The following NLGN4X variants were observed in gnomAD, a reference collection of about 807,000 sequenced individuals.
The protein encoded by NLGN4X is neuroligin 4 X-linked, also known as neuroligin-4, X-linked.
NLGN4X carries 3 observed loss-of-function variants against 40.3 expected under a neutral mutation model. The observed-to-expected ratio is 0.07, with a 90% CI of 0.03 to 0.19. NLGN4X has a LOEUF of 0.19. NLGN4X is among the 10% of genes least tolerant of loss of function. NLGN4X has a pLI of 1.00. For synonymous variants in NLGN4X, 270 were observed against 306.8 expected (o/e 0.88, Z 1.25); for missense variants, 382 against 708.3 (o/e 0.54, Z 5.23).
At chrX:5,930,229 T>C in intron 3 of NLGN4X, among the ~76,000 whole-genome samples, 1 of 112,657 alleles carries the variant, frequency 8.9e-6, no homozygotes, top group Admixed American at 9.4e-5. Flanking sequence ...TAGCCCTATA[T>C]AGGACAGATA....
chrX:5,963,954 A>G (rs942056492), intron 3 of NLGN4X, among the ~76,000 whole-genome samples: 2 of 112,541 alleles, frequency 1.8e-5, no homozygotes, highest in Admixed American at 1.9e-4. Context: ...ACTTTATTGT[A>G]CATTCATTAT....
At chrX:6,092,492 T>C (rs1167694677) in intron 2 of NLGN4X, among the ~76,000 whole-genome samples, 1 of 112,222 alleles carries the variant, frequency 8.9e-6, no homozygotes, top group Non-Finnish European at 1.9e-5. Flanking sequence ...CGAACCTACC[T>C]GCCTGGGGAA....
intron 3 of NLGN4X, among the ~76,000 whole-genome samples, chrX:6,018,817 T>G (rs1418461293): frequency 8.9e-6 from 1 of 111,819 alleles, no homozygotes; most frequent in African/African-American, 3.3e-5. Flanking sequence ...CTCAAATAAT[T>G]AACCGAATCA....
chrX:5,999,481 A>C (rs1299724160), intron 3 of NLGN4X, among the ~76,000 whole-genome samples: 1 of 112,218 alleles, frequency 8.9e-6, no homozygotes, highest in Admixed American at 9.5e-5. Context: ...TTTTTAAAAT[A>C]AGCAGTATGC....
At chrX:5,908,924 G>C in intron 4 of NLGN4X, 130 bp downstream of exon 4, 1 of 710,491 alleles carries the variant, frequency 1.4e-6, no homozygotes, top group Non-Finnish European at 2.1e-6. Context: ...GGATTCATTT[G>C]ATCTTTTGGG....
intron 1 of NLGN4X, among the ~76,000 whole-genome samples, chrX:6,156,880 T>C (rs1007022397): frequency 4.5e-5 from 5 of 110,202 alleles, no homozygotes; most frequent in Non-Finnish European, 9.4e-5. Context: ...TTTTAAAAAA[T>C]TGTCAAATAA....
chrX:6,200,177 C>A (rs908689033), intron 1 of NLGN4X, among the ~76,000 whole-genome samples: 1 of 111,960 alleles, frequency 8.9e-6, no homozygotes, highest in African/African-American at 3.3e-5. Flanking sequence ...TTAGAGAATG[C>A]AGAGAAAAAT....
chrX:6,025,220 T>G (rs763800759), intron 3 of NLGN4X, among the ~76,000 whole-genome samples: 3 of 112,087 alleles, frequency 2.7e-5, no homozygotes, highest in Admixed American at 9.4e-5. Context: ...ACAATCCCAG[T>G]TTATTCATAG....
chrX:6,151,494 C>T lies in NLGN4X; in HGVS notation c.-28G>A. On this transcript the variant is annotated 5_prime_UTR_variant, in exon 2 of 6. Transcript: ENST00000381095. ...TTCAAATCTGCATCCACATCCACAG[C>T]TGTCCCAGTGATGTGGCTCCAAGGA... 1 of 1,157,502 alleles carries T rather than the reference C, an allele frequency of 8.6e-7. No individual in the cohort carries two copies. The highest frequency in any genetic ancestry group is 3.0e-5 in the East Asian group (1 of 33,576).
Position 6,150,015 on chromosome X carries a change from A to C in NLGN4X, c.472+980T>G, listed in dbSNP as rs903396308. On this transcript the variant is annotated intron_variant, in intron 2 of 5. Coordinates refer to ENST00000381095, the MANE Select transcript of NLGN4X (RefSeq NM_181332.3). ...TTTCTCCATAAAAGAAATTTATCAC[A>C]CTTTCCACGAAGAACTTTATACAAA... 7.2e-5 allele frequency among the ~76,000 whole-genome samples: 8 copies of C among 111,054 alleles called. No homozygotes were observed. In the South Asian group the frequency reaches 3.0e-3, roughly 42 times the overall value.
intron 2 of NLGN4X, among the ~76,000 whole-genome samples, chrX:6,033,663 C>A (rs1343439328): frequency 1.8e-5 from 2 of 111,987 alleles, no homozygotes; most frequent in Non-Finnish European, 3.8e-5. Flanking sequence ...ACCTTGATCA[C>A]CTCAATAAGA....
chrX:6,079,003 T>C (rs1482905787), intron 2 of NLGN4X, among the ~76,000 whole-genome samples: 1 of 111,938 alleles, frequency 8.9e-6, no homozygotes, highest in Non-Finnish European at 1.9e-5. Context: ...CCTGCTGCCC[T>C]GTGAAGAAGG....
intron 4 of NLGN4X, among the ~76,000 whole-genome samples, chrX:5,906,099 ATG>A (rs1190204627): frequency 8.9e-6 from 1 of 112,220 alleles, no homozygotes; most frequent in East Asian, 2.8e-4. Flanking sequence ...TGTGGCTTAC[ATG>A]TGTTTGATTA....
intron 2 of NLGN4X, among the ~76,000 whole-genome samples, chrX:6,137,931 T>G (rs1367542547): frequency 8.9e-6 from 1 of 111,833 alleles, no homozygotes; most frequent in African/African-American, 3.2e-5. Context: ...CTATCACACA[T>G]GTATGCTGCC....
chrX:6,159,922 T>C (rs947477153), intron 1 of NLGN4X, among the ~76,000 whole-genome samples: 22 of 111,631 alleles, frequency 2.0e-4, no homozygotes, highest in African/African-American at 7.2e-4. Flanking sequence ...AGTGTGGCCT[T>C]CCAGCCTATT....
chrX:6,189,956 G>C (rs748699941), intron 1 of NLGN4X, among the ~76,000 whole-genome samples: 1 of 109,496 alleles, frequency 9.1e-6, no homozygotes, highest in African/African-American at 3.3e-5. Context: ...TTATTTAGCT[G>C]TATATGCTGA....
At chrX:5,937,380 A>C (rs1231331053) in intron 3 of NLGN4X, among the ~76,000 whole-genome samples, 1 of 111,320 alleles carries the variant, frequency 9.0e-6, no homozygotes, top group Non-Finnish European at 1.9e-5. Context: ...GAAGTGACCC[A>C]GTCTTTCATG....
At chrX:6,006,771 G>T (rs1328799894) in intron 3 of NLGN4X, among the ~76,000 whole-genome samples, 2 of 111,638 alleles carry the variant, frequency 1.8e-5, no homozygotes, top group Admixed American at 9.5e-5. Flanking sequence ...GAAAATGAAT[G>T]ACATTTTGAA....
intron 1 of NLGN4X, among the ~76,000 whole-genome samples, chrX:6,218,843 C>T (rs1487108054): frequency 2.7e-5 from 3 of 111,290 alleles, no homozygotes; most frequent in Non-Finnish European, 5.7e-5. Flanking sequence ...TTATCCGTCA[C>T]AGCTGCTAAA....
Sources: allele counts gnomAD v4.1 joint callset (sites outside exome capture counted in the v4.1 genomes callset), GRCh38; gene constraint gnomAD v4.1.1; transcripts MANE v1.5; gene names NCBI Gene and HGNC (gene_info 2026-07-23, HGNC 2026-07-21).